Variants in ITSN1 observed in about 807,000 individuals in gnomAD.
ITSN1 encodes the protein intersectin-1.
A neutral mutation model predicts 239.8 loss-of-function variants in ITSN1; 58 were observed. The ratio of observed to expected loss-of-function variants is 0.24; its 90% confidence interval spans 0.20 to 0.30. The LOEUF (loss-of-function observed/expected upper bound fraction) is 0.30, where lower values mean the gene tolerates loss of function less well. Ranked by LOEUF, ITSN1 falls within the 10% of genes least tolerant of loss-of-function variation. The probability of loss-of-function intolerance (pLI) is 1.00; values close to 1 mark genes in which losing one functional copy is unlikely to be tolerated. For missense variants in ITSN1, 1,558 were observed against 2,103.3 expected, an observed-to-expected ratio of 0.74 and a Z score of 5.07; for synonymous variants, 780 against 770.8, an observed-to-expected ratio of 1.01 and a Z score of -0.20.
At chr21:33,781,720 A>C (rs2147890513) in intron 15 of ITSN1, among the ~76,000 whole-genome samples, 172 bp downstream of exon 15, 1 of 152,276 alleles carries the variant, frequency 6.6e-6, no homozygotes, top group South Asian at 2.1e-4. Context: ...CTGGGACTAC[A>C]GGTGCATGCC....
At chr21:33,653,401 C>T (rs945632289) in intron 1 of ITSN1, among the ~76,000 whole-genome samples, 4 of 152,228 alleles carry the variant, frequency 2.6e-5, no homozygotes, top group Non-Finnish European at 2.9e-5. Context: ...AAGATAGAAT[C>T]TCAGCCCTCT....
At chr21:33,868,171 G>A (rs1391314670) in intron 33 of ITSN1, among the ~76,000 whole-genome samples, 1 of 151,982 alleles carries the variant, frequency 6.6e-6, no homozygotes, top group Non-Finnish European at 1.5e-5. Flanking sequence ...TTTGACAGGG[G>A]GCTGATTGGT....
chr21:33,852,663 A>G (rs952702547), intron 29 of ITSN1, among the ~76,000 whole-genome samples: 3 of 152,182 alleles, frequency 2.0e-5, no homozygotes, highest in Admixed American at 2.0e-4. Context: ...CAGATTAGGA[A>G]TTTTATGTGG....
intron 4 of ITSN1, among the ~76,000 whole-genome samples, chr21:33,726,314 G>C (rs2065829642): frequency 1.3e-5 from 2 of 151,814 alleles, no homozygotes; most frequent in African/African-American, 4.8e-5. Context: ...TTTTAAAATT[G>C]CAACTAATAA....
At chr21:33,764,341 T>C (rs2068573635) in intron 9 of ITSN1, among the ~76,000 whole-genome samples, 1 of 152,228 alleles carries the variant, frequency 6.6e-6, no homozygotes, top group African/African-American at 2.4e-5. Context: ...TTCAGCCACC[T>C]TCTAACTGGT....
rs570556432 is a variant in ITSN1 at position 33,653,723 on chromosome 21, C to T, written c.-33+11010C>T. On this transcript the variant is annotated intron_variant, in intron 1 of 39. Transcript: ENST00000381318. Reference sequence around the variant, plus strand: ...ATTTTTAGTAGAGACGGGGTTTCACCGTGTTAGCCAAGATGGCCTCGATCT... The same window carrying T: ...ATTTTTAGTAGAGACGGGGTTTCACTGTGTTAGCCAAGATGGCCTCGATCT... Among the ~76,000 whole-genome samples the T allele has an allele frequency of 3.0e-4, 46 of 152,126 alleles. 1 individual carries two copies. In the South Asian group the frequency reaches 8.5e-3, roughly 28 times the overall value.
At chr21:33,752,541 C>T (rs1339181179) in intron 7 of ITSN1, among the ~76,000 whole-genome samples, 1 of 151,888 alleles carries the variant, frequency 6.6e-6, no homozygotes, top group Non-Finnish European at 1.5e-5. Context: ...TATGTTTTAC[C>T]CTTGCATACT....
chr21:33,847,742 G>A (rs894390203), intron 29 of ITSN1, among the ~76,000 whole-genome samples: 2 of 152,200 alleles, frequency 1.3e-5, no homozygotes, highest in Non-Finnish European at 1.5e-5. Context: ...CCTGCCATGG[G>A]CTGGATTCAG....
chr21:33,858,255 C>T (rs1198243629), intron 30 of ITSN1, among the ~76,000 whole-genome samples: 3 of 152,194 alleles, frequency 2.0e-5, no homozygotes, highest in Admixed American at 1.3e-4. Flanking sequence ...CTGGGCTGCT[C>T]CTCTCAGAAG....
chr21:33,865,832 T>G lies in ITSN1; in HGVS notation c.4074+498T>G, dbSNP rs982492371. Reference sequence around the variant, plus strand: ...GGAGTCAGTGTGGGATGCCAGGACCTCTTCCTTGGAGGTAGCAGGGATCTG... The same window carrying G: ...GGAGTCAGTGTGGGATGCCAGGACCGCTTCCTTGGAGGTAGCAGGGATCTG... On this transcript the variant is annotated intron_variant, in intron 32 of 39. Transcript: ENST00000381318. This position sits in a 1 kb window ranked among gnomAD's most constrained non-coding sequence, Gnocchi z 4.4. 6.6e-6 allele frequency among the ~76,000 whole-genome samples: 1 copy of G among 152,028 alleles called. No homozygotes were observed. The highest frequency in any genetic ancestry group is 1.5e-5 in the Non-Finnish European group (1 of 68,014).
At chr21:33,732,063 A>G (rs1289424349) in intron 4 of ITSN1, among the ~76,000 whole-genome samples, 1 of 152,224 alleles carries the variant, frequency 6.6e-6, no homozygotes, top group Non-Finnish European at 1.5e-5. Flanking sequence ...CGTGGATTCA[A>G]GAGTTTTTAA....
Position 33,882,409 on chromosome 21 carries a change from A to G in ITSN1, c.4508A>G (p.Lys1503Arg). ...TKPLGSSGTD[K>R]VFSPKSNLQY... is the part of the protein sequence containing the mutation. ...CCTTTGGGGTCTTCTGGCACCGACA[A>G]AGTCTTCAGCCCCAAATCAAACCTG... Residue 1503 changes from lysine (K) to arginine (R), a missense_variant, in exon 35 of 40, where the codon AAA becomes AGA. Coordinates refer to ENST00000381318, the MANE Select transcript of ITSN1 (RefSeq NM_003024.3). This position sits in a 1 kb window ranked among gnomAD's most constrained non-coding sequence, Gnocchi z 4.5. The G allele has an allele frequency of 6.2e-7, 1 of 1,614,148 alleles. No homozygotes were observed. The highest frequency in any genetic ancestry group is 8.5e-7 in the Non-Finnish European group (1 of 1,180,020).
chr21:33,884,513 C>G (rs970847461), intron 36 of ITSN1, among the ~76,000 whole-genome samples: 1 of 152,160 alleles, frequency 6.6e-6, no homozygotes, highest in Non-Finnish European at 1.5e-5. Flanking sequence ...TTCCAAAGAG[C>G]ATTTGCACCA....
At chr21:33,796,705 C>T (rs910965944) in intron 17 of ITSN1, among the ~76,000 whole-genome samples, 1 of 152,160 alleles carries the variant, frequency 6.6e-6, no homozygotes, top group Non-Finnish European at 1.5e-5. Context: ...ACCTGATTCG[C>T]AGTTTAAAGG....
At chr21:33,736,035 G>C (rs529112772) in intron 5 of ITSN1, among the ~76,000 whole-genome samples, 2 of 152,180 alleles carry the variant, frequency 1.3e-5, no homozygotes, top group Non-Finnish European at 2.9e-5. Flanking sequence ...CTTTCAACCA[G>C]GTATTTTTCT....
chr21:33,895,647 GTATGTGCGTGTATGCATGTGCATGTT>G lies in ITSN1; in HGVS notation c.*7349_*7374del, dbSNP rs1986722132. On this transcript the variant is annotated 3_prime_UTR_variant, in exon 40 of 40. Transcript: ENST00000381318. ...TGTGTGTGTGCGTGTGTGTGCGTGTGTATGTGCGTGTATGCATGTGCATGTTTGTGTGTGCGTGCATATGTGTATGT... is the reference window on the plus strand; with the variant it reads ...TGTGTGTGTGCGTGTGTGTGCGTGTGTGTGTGTGCGTGCATATGTGTATGT... The G allele has an allele frequency of 6.6e-6, 1 of 150,986 alleles. No individual in the cohort carries two copies. The highest frequency in any genetic ancestry group is 2.4e-5 in the African/African-American group (1 of 40,820). The allele number at this position is 150,986 out of a possible 1,614,324, so 9.4% of individuals were successfully genotyped here.
chr21:33,694,588 A>C (rs1452081898), intron 1 of ITSN1, among the ~76,000 whole-genome samples: 1 of 152,120 alleles, frequency 6.6e-6, no homozygotes, highest in Admixed American at 6.5e-5. Context: ...TGGGAGGCCG[A>C]GGCGGGCAGA....
rs189266019 is a variant in ITSN1 at position 33,773,380 on chromosome 21, G to A, written c.1305+1057G>A. On this transcript the variant is annotated intron_variant, in intron 12 of 39. Coordinates refer to ENST00000381318, the MANE Select transcript of ITSN1 (RefSeq NM_003024.3). ...CTCCCTATATTCTATGGAAGGCTTC[G>A]TAAATTTAGCGCCATACCTGGAAAG... Among the ~76,000 whole-genome samples the A allele has an allele frequency of 1.6e-4, 25 of 152,216 alleles. No homozygotes were observed. In the East Asian group the frequency reaches 3.9e-3, roughly 24 times the overall value.
At position 33,794,134 on chromosome 21, in the gene ITSN1, C is replaced by T. The variant is rs112214132; in HGVS notation, c.1825-207C>T. ...GGAAAATGGTATAATGTGTATGGCT[C>T]ATTAGAATGTAATCTTAAGTGGCCT... is the stretch of plus-strand genomic sequence containing the variant. On this transcript the variant is annotated intron_variant, in intron 16 of 39. Coordinates refer to ENST00000381318, the MANE Select transcript of ITSN1 (RefSeq NM_003024.3). 7.1e-3 allele frequency among the ~76,000 whole-genome samples: 1,077 copies of T among 152,262 alleles called. 14 individuals carry two copies. Among genetic ancestry groups the T allele is most frequent in the African/African-American group, 0.025 (1,029 of 41,544 alleles).
Sources: allele counts gnomAD v4.1 joint callset (sites outside exome capture counted in the v4.1 genomes callset), GRCh38; gene constraint gnomAD v4.1.1; non-coding constraint Gnocchi (gnomAD v3.1); transcripts MANE v1.5; gene names NCBI Gene and HGNC (gene_info 2026-07-23, HGNC 2026-07-21).